The following PTPN4 variants were observed in gnomAD, a reference collection of about 807,000 sequenced individuals.
The protein encoded by PTPN4 is protein tyrosine phosphatase non-receptor type 4, also known as tyrosine-protein phosphatase non-receptor type 4.
PTPN4 carries 49 observed loss-of-function variants against 135.5 expected under a neutral mutation model. That is an observed-to-expected ratio of 0.36 (90% CI 0.29 to 0.46). The LOEUF is 0.46. Among genes scored for constraint, PTPN4 ranks in the 20% least tolerant of loss-of-function variants. The probability of loss-of-function intolerance (pLI) is 1.00; values close to 1 mark genes in which losing one functional copy is unlikely to be tolerated. For missense variants in PTPN4, 860 were observed against 1,101.0 expected (o/e 0.78, Z 3.10); for synonymous variants, 333 against 369.9 (o/e 0.90, Z 1.14).
intron 3 of PTPN4, among the ~76,000 whole-genome samples, chr2:119,870,675 A>G (rs1677897411): frequency 1.3e-5 from 2 of 152,218 alleles, no homozygotes; most frequent in Non-Finnish European, 2.9e-5. Context: ...TTTTGTCTAT[A>G]TGAAACATAG....
intron 10 of PTPN4, 89 bp from the exon 11 acceptor site, chr2:119,915,090 C>T: frequency 2.7e-6 from 3 of 1,117,238 alleles, no homozygotes; most frequent in Non-Finnish European, 3.7e-6. Context: ...TTAGATATTA[C>T]TAAATATACA....
In PTPN4 at chr2:119,973,839, G is replaced by A. The variant is rs956032162; in HGVS notation, c.2695-3145G>A. 2.6e-5 allele frequency among the ~76,000 whole-genome samples: 4 copies of A among 151,704 alleles called. No homozygotes were observed. The East Asian group carries it at 5.8e-4, about 22-fold the overall frequency. On this transcript the variant is annotated intron_variant, in intron 26 of 26. Coordinates refer to ENST00000263708, the MANE Select transcript of PTPN4 (RefSeq NM_002830.4). ...TAGGTCATATATTCTTTCTTCAAAC[G>A]CACATAATGTCTGATTGTCTTTTTT...
At chr2:119,770,459 CCTT>C (rs1032254916) in intron 1 of PTPN4, among the ~76,000 whole-genome samples, 4 of 152,124 alleles carry the variant, frequency 2.6e-5, no homozygotes, top group African/African-American at 9.7e-5. Context: ...TGATACCACT[CCTT>C]CTCTTTCCTG....
intron 12 of PTPN4, among the ~76,000 whole-genome samples, chr2:119,922,005 T>C (rs917906959): frequency 6.6e-6 from 1 of 152,018 alleles, no homozygotes; most frequent in African/African-American, 2.4e-5. Context: ...ATAACCAGTC[T>C]TCAACTATAA....
At chr2:119,933,166 T>C (rs6542552) in intron 14 of PTPN4, among the ~76,000 whole-genome samples, 111,413 of 152,000 alleles carry the variant, frequency 0.73, 40,905 homozygotes, top group East Asian at 0.83. Flanking sequence ...TAGCCAAATG[T>C]ACCAGCCAAA....
chr2:119,968,013 T>A, intron 26 of PTPN4, 41 bp downstream of exon 26: 2 of 1,385,770 alleles, frequency 1.4e-6, no homozygotes, highest in Non-Finnish European at 1.9e-6. Context: ...ATTCTTAACA[T>A]GATGATTTTT....
At chr2:119,909,942 G>C (rs1678544328) in intron 10 of PTPN4, among the ~76,000 whole-genome samples, 1 of 152,152 alleles carries the variant, frequency 6.6e-6, no homozygotes, top group Non-Finnish European at 1.5e-5. Flanking sequence ...AACTTGAATA[G>C]ATGAGGATTT....
chr2:119,885,983 T>C (rs1678150304), intron 9 of PTPN4, 101 bp downstream of exon 9: 1 of 760,414 alleles, frequency 1.3e-6, no homozygotes, highest in Non-Finnish European at 2.0e-6. Context: ...TTATGATTGC[T>C]GCTGACACAG....
At chr2:119,859,767 A>G (rs1677734024) in intron 2 of PTPN4, among the ~76,000 whole-genome samples, 1 of 152,308 alleles carries the variant, frequency 6.6e-6, no homozygotes, top group South Asian at 2.1e-4. Flanking sequence ...GGAAGTGGGT[A>G]TAAGTTCAGG....
chr2:119,778,733 A>C (rs1029163404), intron 1 of PTPN4, among the ~76,000 whole-genome samples: 2 of 152,356 alleles, frequency 1.3e-5, no homozygotes, highest in Admixed American at 1.3e-4. Flanking sequence ...TTTAATATAT[A>C]GTTAATATAA....
At chr2:119,923,845 TA>T (rs1353613570) in intron 12 of PTPN4, among the ~76,000 whole-genome samples, 5 of 151,938 alleles carry the variant, frequency 3.3e-5, no homozygotes, top group Non-Finnish European at 5.9e-5. Flanking sequence ...AATATAACTT[TA>T]AAAAAATGAG....
At chr2:119,855,437 G>A (rs187192446) in intron 2 of PTPN4, among the ~76,000 whole-genome samples, 202 of 152,192 alleles carry the variant, frequency 1.3e-3, no homozygotes, top group Non-Finnish European at 2.0e-3. Flanking sequence ...TTCCTTGAAG[G>A]GACGGTTCTA....
intron 2 of PTPN4, among the ~76,000 whole-genome samples, chr2:119,827,473 C>T (rs1176800445): frequency 6.6e-6 from 1 of 152,178 alleles, no homozygotes; most frequent in Admixed American, 6.5e-5. Flanking sequence ...AACTTCTTCC[C>T]ATTCTGAATG....
intron 1 of PTPN4, among the ~76,000 whole-genome samples, chr2:119,768,946 C>A (rs940548071): frequency 1.1e-4 from 16 of 152,308 alleles, no homozygotes; most frequent in African/African-American, 3.6e-4. Flanking sequence ...CATTCAGATT[C>A]GTCTGATACT....
chr2:119,779,824 A>C lies in PTPN4; in HGVS notation c.-18+19440A>C, dbSNP rs1690906154. 6.6e-5 allele frequency among the ~76,000 whole-genome samples: 10 copies of C among 152,096 alleles called. No individual in the cohort carries two copies. The South Asian group carries it at 2.1e-3, about 32-fold the overall frequency. On this transcript the variant is annotated intron_variant, in intron 1 of 26. Transcript: ENST00000263708. ...CAGTGGTGTGATCTTGGCTTGCTGC[A>C]GCCTCGATTTCCCAGGCTCAAGTGA...
At chr2:119,876,195 C>T (rs1359768908) in intron 3 of PTPN4, among the ~76,000 whole-genome samples, 1 of 152,002 alleles carries the variant, frequency 6.6e-6, no homozygotes, top group East Asian at 1.9e-4. Flanking sequence ...GGATCTAGTA[C>T]TGAGAAATTA....
chr2:119,936,686 G>A (rs1033871244), intron 15 of PTPN4, among the ~76,000 whole-genome samples: 1 of 152,148 alleles, frequency 6.6e-6, no homozygotes, highest in Non-Finnish European at 1.5e-5. Context: ...AGCAGCATGA[G>A]AATGGACTAA....
At chr2:119,766,451 T>G (rs11896663) in intron 1 of PTPN4, among the ~76,000 whole-genome samples, 11 of 114,944 alleles carry the variant, frequency 9.6e-5, no homozygotes, top group Non-Finnish European at 2.1e-4. Flanking sequence ...TGTGCGCGCG[T>G]GTGTGTGTGT....
chr2:119,932,377 G>A (rs1366189456), intron 13 of PTPN4, 47 bp from the exon 14 acceptor site: 13 of 1,476,004 alleles, frequency 8.8e-6, no homozygotes, highest in Non-Finnish European at 1.2e-5. Flanking sequence ...CATGGTTTGG[G>A]GTATAAAAAT....
Sources: gnomAD v4.1 joint callset for allele counts (sites outside exome capture counted in the v4.1 genomes callset) on GRCh38, gnomAD v4.1.1 for gene constraint, MANE v1.5 for transcripts, NCBI Gene and HGNC (gene_info 2026-07-23, HGNC 2026-07-21) for gene names.